RRM2: variants seen among roughly 807,000 people sequenced by gnomAD.
RRM2 encodes the protein ribonucleoside-diphosphate reductase subunit M2.
RRM2 carries 6 observed loss-of-function variants against 45.9 expected under a neutral mutation model. The ratio of observed to expected loss-of-function variants is 0.13; its 90% CI spans 0.07 to 0.26. The LOEUF is 0.26. Ranked by LOEUF, RRM2 falls within the 10% of genes least tolerant of loss-of-function variation. The pLI, the probability that RRM2 is intolerant of heterozygous loss-of-function variation, is 1.00. For synonymous variants in RRM2, 177 were observed against 173.0 expected (o/e 1.02, Z -0.18); for missense variants, 343 against 489.5 (o/e 0.70, Z 2.82).
At chr2:10,124,921 C>A in intron 5 of RRM2, 71 bp downstream of exon 5, 1 of 1,418,042 alleles carries the variant, frequency 7.1e-7, no homozygotes, top group Non-Finnish European at 9.7e-7. Flanking sequence ...ATTTTTAGTT[C>A]ACCTAGGGAT....
chr2:10,185,845 G>A lies in RRM2; in HGVS notation n.483-24466G>A, dbSNP rs905630077. ...CCTCAGTCTCATCTTCTGGGTGACC[G>A]AAGATGGGGCAGTGCAGCCCCTGCT... On this transcript the variant is annotated intron_variant and non_coding_transcript_variant, in intron 3 of 3. Coordinates refer to the RRM2 transcript ENST00000381786. The surrounding 1 kb of genome is among the most constrained non-coding windows in gnomAD (Gnocchi z 4.3). Among the ~76,000 whole-genome samples, 2 of 151,678 alleles carry A rather than the reference G, an allele frequency of 1.3e-5. No individual in the cohort carries two copies. The highest frequency in any genetic ancestry group is 4.8e-5 in the African/African-American group (2 of 41,270).
In RRM2 at chr2:10,185,417, C is replaced by CT. The variant is rs1664144010; in HGVS notation, n.483-24888dup. Among the ~76,000 whole-genome samples, 1 of 152,098 alleles carries CT rather than the reference C, an allele frequency of 6.6e-6. No homozygotes were observed. The highest frequency in any genetic ancestry group is 6.6e-5 in the Admixed American group (1 of 15,260). On this transcript the variant is annotated intron_variant and non_coding_transcript_variant, in intron 3 of 3. Coordinates refer to the RRM2 transcript ENST00000381786. This position sits in a 1 kb window ranked among gnomAD's most constrained non-coding sequence, Gnocchi z 4.3. ...TATATTGACTACATACTTTAAAAGA[C>CT]TTTTTTATAATGGGAAACTTTGAAC...
chr2:10,127,926 G>A lies in RRM2; in HGVS notation c.798+706G>A, dbSNP rs1485925095. ...TCATGCCTGTAATCCCAGCACTTTGGTAGGCCGAGGCGGGTGGATCATGAG... is the reference window on the plus strand; with the variant it reads ...TCATGCCTGTAATCCCAGCACTTTGATAGGCCGAGGCGGGTGGATCATGAG... On this transcript the variant is annotated intron_variant, in intron 7 of 9. Coordinates refer to ENST00000304567, the MANE Select transcript of RRM2 (RefSeq NM_001034.4). The surrounding 1 kb of genome is among the most constrained non-coding windows in gnomAD (Gnocchi z 4.1). 1.3e-5 allele frequency among the ~76,000 whole-genome samples: 2 copies of A among 151,898 alleles called. No homozygotes were observed. Among genetic ancestry groups the A allele is most frequent in the African/African-American group, 4.8e-5 (2 of 41,378 alleles).
Position 10,195,583 on chromosome 2 carries a change from C to T in RRM2, n.483-14728C>T, listed in dbSNP as rs1664399400. ...GAGGAGCATCCCAGGCAAAGTGAGCCGCGTTTACCTGGAGACCAAGGGTGG... is the reference window on the plus strand; with the variant it reads ...GAGGAGCATCCCAGGCAAAGTGAGCTGCGTTTACCTGGAGACCAAGGGTGG... On this transcript the variant is annotated intron_variant and non_coding_transcript_variant, in intron 3 of 3. Coordinates refer to the RRM2 transcript ENST00000381786. The surrounding 1 kb of genome is among the most constrained non-coding windows in gnomAD (Gnocchi z 4.9). 6.6e-6 allele frequency among the ~76,000 whole-genome samples: 1 copy of T among 152,094 alleles called. No individual in the cohort carries two copies. The highest frequency in any genetic ancestry group is 1.5e-5 in the Non-Finnish European group (1 of 68,014).
chr2:10,155,614 C>G (rs1409913132), intron 3 of RRM2: 4 of 152,500 alleles, frequency 2.6e-5, no homozygotes, highest in Admixed American at 6.5e-5. Flanking sequence ...GATTCCTCCC[C>G]CTCTTCTGTT....
At chr2:10,198,931 G>C (rs1664475190) in intron 3 of RRM2, 1 of 152,176 alleles carries the variant, frequency 6.6e-6, no homozygotes, top group Admixed American at 6.5e-5. Flanking sequence ...TTATGGTCAT[G>C]CTGACAGCCA....
At chr2:10,134,310 G>T (rs936156627), downstream of RRM2, among the ~76,000 whole-genome samples, 16 of 152,136 alleles carry the variant, frequency 1.1e-4, no homozygotes, top group African/African-American at 3.4e-4. Flanking sequence ...GTCCCTTAGA[G>T]AAATTAAATG....
intron 3 of RRM2, among the ~76,000 whole-genome samples, chr2:10,157,020 T>TC (rs1663442304): frequency 7.5e-6 from 1 of 133,014 alleles, no homozygotes; most frequent in East Asian, 2.1e-4. Flanking sequence ...CCATTTCTTT[T>TC]TTTTTTTTTT....
intron 3 of RRM2, among the ~76,000 whole-genome samples, chr2:10,206,961 ACT>A (rs775928281): frequency 1.3e-5 from 2 of 152,068 alleles, no homozygotes; most frequent in Non-Finnish European, 2.9e-5. Context: ...TTGCAAAGAG[ACT>A]CTCACTAAAG....
Position 10,131,093 on chromosome 2 carries a change from T to C in RRM2, c.*1707T>C, listed in dbSNP as rs1662891649. ...TATTGTTAGTTTTCTTCATCATTTA[T>C]TGTATAGACAATTTTTAAATCTCTG... On this transcript the variant is annotated 3_prime_UTR_variant, in exon 10 of 10. Transcript: ENST00000304567. 6.6e-6 allele frequency: 1 copy of C among 152,250 alleles called. No individual in the cohort carries two copies. Among genetic ancestry groups the C allele is most frequent in the South Asian group, 2.1e-4 (1 of 4,836 alleles). 9.4% of individuals were successfully genotyped at this position (152,250 alleles called of 1,614,324 possible).
chr2:10,165,399 T>A (rs1327416760), intron 3 of RRM2, among the ~76,000 whole-genome samples: 1 of 152,122 alleles, frequency 6.6e-6, no homozygotes, highest in Non-Finnish European at 1.5e-5. Flanking sequence ...GGACCTCCCA[T>A]TAGTGGGCTC....
At chr2:10,203,131 A>G (rs1664596549) in intron 3 of RRM2, among the ~76,000 whole-genome samples, 1 of 152,176 alleles carries the variant, frequency 6.6e-6, no homozygotes, top group African/African-American at 2.4e-5. Context: ...CCAGGGCCAA[A>G]CACCCACCCA....
At chr2:10,201,148 C>CAAAAA (rs146526701) in intron 3 of RRM2, among the ~76,000 whole-genome samples, 3 of 121,064 alleles carry the variant, frequency 2.5e-5, no homozygotes, top group Non-Finnish European at 5.1e-5. Flanking sequence ...GATTCCATCT[C>CAAAAA]AAAAAAAAAA....
intron 3 of RRM2, among the ~76,000 whole-genome samples, chr2:10,188,682 G>C (rs1664220215): frequency 6.6e-6 from 1 of 152,090 alleles, no homozygotes; most frequent in Non-Finnish European, 1.5e-5. Context: ...ATAAAGGGCA[G>C]CTGGGACCCA....
At position 10,169,814 on chromosome 2, in the gene RRM2, A is replaced by C. The variant is rs967742947; in HGVS notation, n.482+27439A>C. ...CCAGGGGGGATGGCAGCCCCCGGGG[A>C]TCTGAGGAAGTCTGGGAGCTGGCTT... On this transcript the variant is annotated intron_variant and non_coding_transcript_variant, in intron 3 of 3. Coordinates refer to the RRM2 transcript ENST00000381786. This position sits in a 1 kb window ranked among gnomAD's most constrained non-coding sequence, Gnocchi z 5.1. 6.6e-6 allele frequency among the ~76,000 whole-genome samples: 1 copy of C among 152,048 alleles called. No homozygotes were observed. Among genetic ancestry groups the C allele is most frequent in the African/African-American group, 2.4e-5 (1 of 41,386 alleles).
In RRM2 at chr2:10,195,002, C is replaced by T. The variant is rs941453444; in HGVS notation, n.483-15309C>T. 6.6e-6 allele frequency among the ~76,000 whole-genome samples: 1 copy of T among 152,198 alleles called. No individual in the cohort carries two copies. The highest frequency in any genetic ancestry group is 2.4e-5 in the African/African-American group (1 of 41,450). On this transcript the variant is annotated intron_variant and non_coding_transcript_variant, in intron 3 of 3. Transcript: ENST00000381786. The surrounding 1 kb of genome is among the most constrained non-coding windows in gnomAD (Gnocchi z 4.9). Reference sequence around the variant, plus strand: ...GTGCTACTGTGTGTGGGTTTACAGCCAAGGCCTGTGAGGCACGTGACCACC... The same window carrying T: ...GTGCTACTGTGTGTGGGTTTACAGCTAAGGCCTGTGAGGCACGTGACCACC...
chr2:10,125,036 G>A (rs1432061832), intron 5 of RRM2, among the ~76,000 whole-genome samples, 186 bp downstream of exon 5: 1 of 152,182 alleles, frequency 6.6e-6, no homozygotes, highest in African/African-American at 2.4e-5. Context: ...TTCACTTAGA[G>A]TTGTGAAGGT....
intron 3 of RRM2, among the ~76,000 whole-genome samples, chr2:10,176,172 C>T (rs13004758): frequency 0.31 from 47,807 of 152,144 alleles, 7,787 homozygotes; most frequent in South Asian, 0.49. Flanking sequence ...CTGCTGTGAA[C>T]ATGTGTGCAC....
At chr2:10,128,323 C>T (rs1352029674) in intron 7 of RRM2, among the ~76,000 whole-genome samples, 2 of 152,240 alleles carry the variant, frequency 1.3e-5, no homozygotes, top group Non-Finnish European at 2.9e-5. Flanking sequence ...CTCCATCTTA[C>T]TTGGAGCCCA....
Sources: gnomAD v4.1 joint callset for allele counts (sites outside exome capture counted in the v4.1 genomes callset) on GRCh38, gnomAD v4.1.1 for gene constraint, Gnocchi (gnomAD v3.1) non-coding constraint, MANE v1.5 for transcripts, NCBI Gene and HGNC (gene_info 2026-07-23, HGNC 2026-07-21) for gene names.